SLC14A2: variants seen among roughly 807,000 people sequenced by gnomAD.
The protein encoded by SLC14A2 is urea transporter 2.
In SLC14A2, 91 loss-of-function variants were observed where a neutral mutation model predicts 104.6. The ratio of observed to expected loss-of-function variants is 0.87; its 90% CI spans 0.73 to 1.04. SLC14A2 has a LOEUF of 1.04. SLC14A2 is among the 50% of genes least tolerant of loss of function. SLC14A2 has a pLI of 0.00. For synonymous variants in SLC14A2, 476 were observed against 466.4 expected (o/e 1.02, Z -0.27); for missense variants, 1,189 against 1,156.0 (o/e 1.03, Z -0.41).
intron 1 of SLC14A2, among the ~76,000 whole-genome samples, chr18:45,373,052 A>G (rs769890215): frequency 6.6e-6 from 1 of 152,196 alleles, no homozygotes; most frequent in Non-Finnish European, 1.5e-5. Flanking sequence ...GCTCTAGACT[A>G]CACTTCTGTC....
intron 10 of SLC14A2, among the ~76,000 whole-genome samples, chr18:45,657,689 C>T (rs2045864997): frequency 6.6e-6 from 1 of 152,168 alleles, no homozygotes; most frequent in African/African-American, 2.4e-5. Context: ...CTACACTCAG[C>T]TCTGCCAATA....
intron 1 of SLC14A2, among the ~76,000 whole-genome samples, chr18:45,281,737 G>A (rs1028595594): frequency 6.6e-6 from 1 of 152,184 alleles, no homozygotes; most frequent in Non-Finnish European, 1.5e-5. Flanking sequence ...AAGTCATCCT[G>A]CCTGGGTCAG....
At chr18:45,577,325 T>C (rs2044430668) in intron 2 of SLC14A2, among the ~76,000 whole-genome samples, 1 of 152,116 alleles carries the variant, frequency 6.6e-6, no homozygotes, top group Non-Finnish European at 1.5e-5. Context: ...AGGAAGGAGC[T>C]ATCTTGCCTT....
intron 1 of SLC14A2, among the ~76,000 whole-genome samples, chr18:45,226,056 GAC>G (rs1404136434): frequency 6.6e-6 from 1 of 152,108 alleles, no homozygotes; most frequent in Non-Finnish European, 1.5e-5. Flanking sequence ...GCAGCCAAAA[GAC>G]ACATGAAAAA....
chr18:45,679,657 A>C (rs9962831), intron 19 of SLC14A2, among the ~76,000 whole-genome samples: 144,665 of 152,288 alleles, frequency 0.95, 69,095 homozygotes, highest in East Asian at 1. Context: ...CATGGACAAC[A>C]AGAAGTCCAG....
At chr18:45,363,737 GGTGGT>G (rs892284771) in intron 1 of SLC14A2, among the ~76,000 whole-genome samples, 4 of 152,206 alleles carry the variant, frequency 2.6e-5, no homozygotes, top group African/African-American at 9.7e-5. Flanking sequence ...GTCTTTGCCA[GGTGGT>G]GATGATGGGG....
intron 2 of SLC14A2, among the ~76,000 whole-genome samples, chr18:45,576,279 T>C: frequency 7.0e-6 from 1 of 142,946 alleles, no homozygotes; most frequent in African/African-American, 2.6e-5. Flanking sequence ...GGGCTTTTTT[T>C]TTTTTTTTTT....
At chr18:45,459,444 C>A (rs1294470898) in intron 1 of SLC14A2, among the ~76,000 whole-genome samples, 1 of 152,236 alleles carries the variant, frequency 6.6e-6, no homozygotes, top group Non-Finnish European at 1.5e-5. Flanking sequence ...CTTGGCCACA[C>A]TGGGGGAGGT....
At chr18:45,277,406 G>A (rs144992208) in intron 1 of SLC14A2, among the ~76,000 whole-genome samples, 1 of 152,234 alleles carries the variant, frequency 6.6e-6, no homozygotes, top group African/African-American at 2.4e-5. Context: ...AAAATACATA[G>A]TAGTTAGTTT....
chr18:45,248,231 A>G (rs1007426598), intron 1 of SLC14A2, among the ~76,000 whole-genome samples: 3 of 152,168 alleles, frequency 2.0e-5, no homozygotes, highest in Non-Finnish European at 2.9e-5. Flanking sequence ...TGTGCCTTAG[A>G]GAAGAAAGAT....
Position 45,668,462 on chromosome 18 carries a change from T to C in SLC14A2, c.2021T>C (p.Ile674Thr), listed in dbSNP as rs1256221778. 6.2e-7 allele frequency: 1 copy of C among 1,614,188 alleles called. No homozygotes were observed. The highest frequency in any genetic ancestry group is 2.2e-5 in the East Asian group (1 of 44,892). Residue 674 changes from isoleucine to threonine, a missense_variant, in exon 15 of 20, where the codon ATC (isoleucine) becomes ACC (threonine). By Grantham distance (89) the Ile-to-Thr change is moderately conservative. Transcript: ENST00000255226. The stretch of plus-strand genomic sequence containing the variant: ...TGGTGGCTGTTGCTACCCGTCATCA[T>C]CATGTCCATGTCTTGGTAAGTTTGC... ...YYWWLLLPVIIMSMSCPILSS... is the reference protein window; with the variant it reads ...YYWWLLLPVITMSMSCPILSS...
intron 1 of SLC14A2, among the ~76,000 whole-genome samples, chr18:45,405,201 A>C (rs1353587852): frequency 6.6e-6 from 1 of 152,232 alleles, no homozygotes; most frequent in Admixed American, 6.5e-5. Context: ...TGGAGGGAAC[A>C]GCTCCAAGAA....
At chr18:45,471,524 A>G (rs1373382710) in intron 1 of SLC14A2, among the ~76,000 whole-genome samples, 1 of 152,150 alleles carries the variant, frequency 6.6e-6, no homozygotes, top group Non-Finnish European at 1.5e-5. Flanking sequence ...TATTCTTCAA[A>G]TACTACATTT....
At chr18:45,510,344 C>A (rs2043348496) in intron 2 of SLC14A2, among the ~76,000 whole-genome samples, 1 of 152,152 alleles carries the variant, frequency 6.6e-6, no homozygotes, top group South Asian at 2.1e-4. Context: ...AGTGATTTAT[C>A]TGTGCCCCCA....
intron 2 of SLC14A2, among the ~76,000 whole-genome samples, chr18:45,583,891 T>TA (rs1476656401): frequency 6.6e-5 from 10 of 152,228 alleles, no homozygotes; most frequent in Non-Finnish European, 1.2e-4. Flanking sequence ...CTGGCTCCAG[T>TA]ACACCATTGC....
At chr18:45,466,626 G>A (rs759430152) in intron 1 of SLC14A2, among the ~76,000 whole-genome samples, 1 of 149,426 alleles carries the variant, frequency 6.7e-6, no homozygotes, top group Non-Finnish European at 1.5e-5. Flanking sequence ...AAACTCAGGT[G>A]ACCTAACATC....
intron 5 of SLC14A2, among the ~76,000 whole-genome samples, chr18:45,636,161 A>G (rs1246168801): frequency 6.6e-6 from 1 of 152,200 alleles, no homozygotes; most frequent in African/African-American, 2.4e-5. Flanking sequence ...GGTTTTCAGG[A>G]AGTCTTAAAC....
rs560465235 is a variant in SLC14A2 at position 45,269,850 on chromosome 18, A to G, written c.-125+56659A>G. Among the ~76,000 whole-genome samples, 9 of 152,322 alleles carry G rather than the reference A, an allele frequency of 5.9e-5. No homozygotes were observed. The South Asian group carries it at 1.7e-3, about 28-fold the overall frequency. On this transcript the variant is annotated intron_variant, in intron 1 of 20. Transcript: ENST00000586448. The stretch of plus-strand genomic sequence containing the variant: ...AGCTGTCAAGGCAGTTGCATAGATC[A>G]TATCGTACCATTTATTTATCATGTA...
intron 1 of SLC14A2, among the ~76,000 whole-genome samples, chr18:45,439,274 A>C (rs1463360030): frequency 6.6e-6 from 1 of 151,950 alleles, no homozygotes; most frequent in African/African-American, 2.4e-5. Context: ...GCAAGACTCT[A>C]TCTCTTAAAA....
Sources: gnomAD v4.1 joint callset for allele counts (sites outside exome capture counted in the v4.1 genomes callset) on GRCh38, gnomAD v4.1.1 for gene constraint, MANE v1.5 for transcripts, NCBI Gene and HGNC (gene_info 2026-07-23, HGNC 2026-07-21) for gene names.